The following ATG7 variants were observed in gnomAD, a reference collection of about 807,000 sequenced individuals.
ATG7 encodes ubiquitin-like modifier-activating enzyme ATG7.
A neutral mutation model predicts 82.4 loss-of-function variants in ATG7; 70 were observed. The ratio of observed to expected loss-of-function variants is 0.85; its 90% CI spans 0.70 to 1.04. The LOEUF is 1.04. Among genes scored for constraint, ATG7 ranks in the 50% least tolerant of loss-of-function variants. The pLI, the probability that ATG7 is intolerant of heterozygous loss-of-function variation, is 0.00. For synonymous variants in ATG7, 287 were observed against 313.0 expected (o/e 0.92, Z 0.88); for missense variants, 792 against 864.3 (o/e 0.92, Z 1.05).
intron 20 of ATG7, among the ~76,000 whole-genome samples, chr3:11,492,765 C>T (rs778874695): frequency 1.3e-4 from 20 of 152,000 alleles, no homozygotes; most frequent in Non-Finnish European, 2.2e-4. Flanking sequence ...TCAGGCCCAT[C>T]GCACTCCACC....
intron 19 of ATG7, among the ~76,000 whole-genome samples, chr3:11,405,874 C>T (rs1210298975): frequency 2.0e-5 from 3 of 152,142 alleles, no homozygotes; most frequent in African/African-American, 4.8e-5. Context: ...CCGCCTTGGC[C>T]TCCCAAAGTG....
chr3:11,375,684 C>G (rs772114992), intron 18 of ATG7, among the ~76,000 whole-genome samples: 10 of 152,144 alleles, frequency 6.6e-5, no homozygotes, highest in Non-Finnish European at 1.5e-4. Context: ...CTCAGCCTCC[C>G]GAGGAGCTGG....
intron 20 of ATG7, among the ~76,000 whole-genome samples, chr3:11,500,585 C>G (rs1171920416): frequency 2.0e-5 from 3 of 152,202 alleles, no homozygotes; most frequent in Non-Finnish European, 4.4e-5. Context: ...TGTGAAAGTT[C>G]TACACGTAAA....
At chr3:11,410,261 C>T (rs990385106) in intron 19 of ATG7, among the ~76,000 whole-genome samples, 1 of 152,118 alleles carries the variant, frequency 6.6e-6, no homozygotes, top group African/African-American at 2.4e-5. Context: ...TCCATATGTA[C>T]ATCTTGTACA....
At chr3:11,527,279 A>T (rs903578139) in intron 20 of ATG7, among the ~76,000 whole-genome samples, 13 of 151,734 alleles carry the variant, frequency 8.6e-5, no homozygotes, top group African/African-American at 2.9e-4. Flanking sequence ...TAATTTTTGT[A>T]TTTTTGGCAG....
At chr3:11,355,157 C>T (rs7651450) in intron 14 of ATG7, among the ~76,000 whole-genome samples, 3,848 of 152,288 alleles carry the variant, frequency 0.025, 174 homozygotes, top group African/African-American at 0.088. Flanking sequence ...GGCAAAAACA[C>T]ACTACCAGAG....
At position 11,469,988 on chromosome 3, in the gene ATG7, C is replaced by CAAAAAAAAAAAAAA. The variant is rs10628540; in HGVS notation, c.2079+43070_2079+43083dup. Among the ~76,000 whole-genome samples the CAAAAAAAAAAAAAA allele has an allele frequency of 3.3e-4, 29 of 87,538 alleles. 2 individuals are homozygous for CAAAAAAAAAAAAAA. Among genetic ancestry groups the CAAAAAAAAAAAAAA allele is most frequent in the African/African-American group, 1.3e-3 (28 of 20,918 alleles). 57.4% of individuals were successfully genotyped at this position (87,538 alleles called of 152,430 possible). On this transcript the variant is annotated intron_variant, in intron 20 of 20. Coordinates refer to ENST00000693202, the MANE Select transcript of ATG7 (RefSeq NM_001349232.2). ...TGGGTGACGGAACGAGACTCCATCTCAAAAAAAAAAAAAAAAAAAAAGAGA... is the reference window on the plus strand; with the variant it reads ...TGGGTGACGGAACGAGACTCCATCTCAAAAAAAAAAAAAAAAAAAAAAAAAAAAAAAAAAAGAGA...
At chr3:11,389,389 CCTT>C (rs1197180674) in intron 19 of ATG7, among the ~76,000 whole-genome samples, 8 of 149,384 alleles carry the variant, frequency 5.4e-5, no homozygotes, top group African/African-American at 1.7e-4. Context: ...GAGTGTCTGA[CCTT>C]CTCTAGTTTT....
At chr3:11,396,793 AAAAAG>A (rs55908545) in intron 19 of ATG7, among the ~76,000 whole-genome samples, 92 of 143,748 alleles carry the variant, frequency 6.4e-4, no homozygotes, top group South Asian at 3.9e-3. Context: ...AAAAAAAAAA[AAAAAG>A]AAAAGAAAAG....
intron 9 of ATG7, among the ~76,000 whole-genome samples, chr3:11,320,209 T>G (rs1366463598): frequency 2.0e-5 from 3 of 152,034 alleles, no homozygotes; most frequent in Non-Finnish European, 4.4e-5. Flanking sequence ...TGCTCACTCT[T>G]TCAAGGAAAC....
chr3:11,472,848 A>G (rs978675038), intron 20 of ATG7, among the ~76,000 whole-genome samples: 12 of 152,156 alleles, frequency 7.9e-5, no homozygotes, highest in African/African-American at 2.9e-4. Flanking sequence ...TGATTTGCAC[A>G]CCGTTTTTCA....
chr3:11,387,954 A>G (rs1351734159), intron 19 of ATG7, among the ~76,000 whole-genome samples: 1 of 152,184 alleles, frequency 6.6e-6, no homozygotes, highest in African/African-American at 2.4e-5. Context: ...TGAGTGACAG[A>G]GCAAAAGAAA....
chr3:11,356,600 T>C (rs1440157699), intron 14 of ATG7, among the ~76,000 whole-genome samples: 4 of 152,242 alleles, frequency 2.6e-5, no homozygotes, highest in Non-Finnish European at 4.4e-5. Flanking sequence ...AAGTTCAGAA[T>C]TGGTATTGCA....
intron 20 of ATG7, among the ~76,000 whole-genome samples, chr3:11,538,873 T>C (rs1575245034): frequency 3.9e-5 from 1 of 25,732 alleles, no homozygotes; most frequent in African/African-American, 1.7e-4. Flanking sequence ...GACTCTTGTC[T>C]CAAAAAAAAA....
intron 19 of ATG7, among the ~76,000 whole-genome samples, chr3:11,398,901 A>G (rs2079553402): frequency 6.6e-6 from 1 of 151,838 alleles, no homozygotes; most frequent in South Asian, 2.1e-4. Flanking sequence ...AAATATTTGT[A>G]TCAAGAAGTC....
chr3:11,463,406 A>T (rs1451805906), intron 20 of ATG7, among the ~76,000 whole-genome samples: 1 of 152,190 alleles, frequency 6.6e-6, no homozygotes, highest in Non-Finnish European at 1.5e-5. Flanking sequence ...CTAAACCTTC[A>T]GTCTTGTTGA....
chr3:11,526,116 C>G (rs554129491), intron 20 of ATG7, among the ~76,000 whole-genome samples: 1 of 152,258 alleles, frequency 6.6e-6, no homozygotes, highest in Non-Finnish European at 1.5e-5. Flanking sequence ...AAGGGCCAGG[C>G]ACCATGGTTC....
At chr3:11,488,908 C>T (rs1178739595) in intron 20 of ATG7, among the ~76,000 whole-genome samples, 1 of 152,262 alleles carries the variant, frequency 6.6e-6, no homozygotes, top group Non-Finnish European at 1.5e-5. Flanking sequence ...CAGGATGATG[C>T]TGGCCTCATA....
At chr3:11,479,036 ACAC>A (rs1371085891) in intron 20 of ATG7, among the ~76,000 whole-genome samples, 4 of 149,630 alleles carry the variant, frequency 2.7e-5, no homozygotes, top group African/African-American at 9.9e-5. Flanking sequence ...ACACACACAC[ACAC>A]AATTTTTTAC....
Sources: allele counts gnomAD v4.1 joint callset (sites outside exome capture counted in the v4.1 genomes callset), GRCh38; gene constraint gnomAD v4.1.1; transcripts MANE v1.5; gene names NCBI Gene and HGNC (gene_info 2026-07-23, HGNC 2026-07-21).